Variants in DZIP1 observed in about 807,000 individuals in gnomAD.
DZIP1 encodes the protein DAZ interacting zinc finger protein 1, also known as cilium assembly protein DZIP1.
In DZIP1, 97 loss-of-function variants were observed where a neutral mutation model predicts 107.6. The ratio of observed to expected loss-of-function variants is 0.90; its 90% CI spans 0.77 to 1.07. DZIP1 has a LOEUF of 1.07. Among genes scored for constraint, DZIP1 ranks in the 50% least tolerant of loss-of-function variants. The pLI is 0.00. For synonymous variants in DZIP1, 390 were observed against 386.4 expected (o/e 1.01, Z -0.11); for missense variants, 1,035 against 1,063.6 (o/e 0.97, Z 0.37).
intron 5 of DZIP1, among the ~76,000 whole-genome samples, chr13:95,639,477 G>A (rs375203081): frequency 6.6e-6 from 1 of 151,776 alleles, no homozygotes; most frequent in East Asian, 1.9e-4. Context: ...TGTAGTCCCA[G>A]CTACTCAAGA....
intron 7 of DZIP1, 107 bp downstream of exon 7, chr13:95,629,882 G>C: frequency 1.7e-6 from 2 of 1,188,538 alleles, no homozygotes; most frequent in Non-Finnish European, 2.2e-6. Flanking sequence ...CAATCATCTT[G>C]TCAAATTCAC....
chr13:95,602,114 T>C (rs1318633950), intron 14 of DZIP1, among the ~76,000 whole-genome samples: 1 of 152,116 alleles, frequency 6.6e-6, no homozygotes, highest in Admixed American at 6.5e-5. Flanking sequence ...AGAACGACCC[T>C]GGACAGCTGC....
rs1217197831 is a variant in DZIP1 at position 95,589,936 on chromosome 13, G to A, written c.1844-4C>T. 6.2e-7 allele frequency: 1 copy of A among 1,612,764 alleles called. No homozygotes were observed. The highest frequency in any genetic ancestry group is 1.1e-5 in the South Asian group (1 of 90,752). On this transcript the variant is annotated splice_polypyrimidine_tract_variant and splice_region_variant and intron_variant, in intron 17 of 22. Transcript: ENST00000376829. ...ATTTGAGAAACACTGCACTGATCTGGAATATAGTGTCATTCATGAGTCTCC... is the reference window on the plus strand; with the variant it reads ...ATTTGAGAAACACTGCACTGATCTGAAATATAGTGTCATTCATGAGTCTCC...
chr13:95,630,899 G>C, intron 6 of DZIP1: 1 of 412,538 alleles, frequency 2.4e-6, no homozygotes, highest in South Asian at 1.9e-5. Flanking sequence ...AGAAGAGAAA[G>C]AAGGTCAGTT....
At chr13:95,605,401 A>G (rs1050318684) in intron 14 of DZIP1, among the ~76,000 whole-genome samples, 3 of 152,224 alleles carry the variant, frequency 2.0e-5, no homozygotes, top group African/African-American at 4.8e-5. Flanking sequence ...ACTGTATAAA[A>G]AGTGAAATAC....
chr13:95,621,314 AG>A (rs2139250041), intron 9 of DZIP1, among the ~76,000 whole-genome samples: 1 of 152,320 alleles, frequency 6.6e-6, no homozygotes, highest in East Asian at 1.9e-4. Context: ...AAGATGGCCC[AG>A]GGCCCAGAAT....
intron 12 of DZIP1, among the ~76,000 whole-genome samples, chr13:95,610,940 C>T (rs972221629): frequency 9.9e-5 from 15 of 152,198 alleles, no homozygotes; most frequent in African/African-American, 3.4e-4. Context: ...TCTCGGATTT[C>T]CCAGCCTCCA....
chr13:95,583,512 T>C (rs1168443705), intron 22 of DZIP1, among the ~76,000 whole-genome samples: 1 of 152,132 alleles, frequency 6.6e-6, no homozygotes, highest in African/African-American at 2.4e-5. Context: ...GCTTTCAACA[T>C]GTGCAAGAAT....
At chr13:95,582,546 T>TG (rs1176486774) in intron 22 of DZIP1, among the ~76,000 whole-genome samples, 5 of 152,174 alleles carry the variant, frequency 3.3e-5, no homozygotes, top group Non-Finnish European at 7.3e-5. Flanking sequence ...TGCAAGCTTC[T>TG]GCCCTGCAGC....
At chr13:95,610,355 G>T (rs1281420666) in intron 12 of DZIP1, among the ~76,000 whole-genome samples, 1 of 151,494 alleles carries the variant, frequency 6.6e-6, no homozygotes, top group East Asian at 1.9e-4. Context: ...CTGTCACCCA[G>T]GCTTGAGTGC....
rs756109756 is a variant in DZIP1 at position 95,590,339 on chromosome 13, G to A, written c.1783C>T (p.Arg595Ter). 7 of 1,613,790 alleles carry A rather than the reference G, an allele frequency of 4.3e-6. No homozygotes were observed. Among genetic ancestry groups the A allele is most frequent in the East Asian group, 2.2e-5 (1 of 44,882 alleles). The stretch of plus-strand genomic sequence containing the variant: ...CTGACTTGATGTTCAAGGAATTCTC[G>A]AATTTGATGAAAGTTAGGTATTTCT... Reference protein sequence around the residue: ...EREIPNFHQIREFLEHQVSCK... With the variant: ...EREIPNFHQI Residue 595 changes from arginine to a stop codon, truncating the protein, a stop_gained, in exon 17 of 23, where the codon CGA becomes TGA. Transcript: ENST00000376829. LOFTEE classifies it high-confidence loss of function.
At position 95,582,240 on chromosome 13, in the gene DZIP1, A is replaced by G. The variant is rs1282262676; in HGVS notation, c.2598T>C (p.Asp866=). 1 of 1,614,038 alleles carries G rather than the reference A, an allele frequency of 6.2e-7. No individual in the cohort carries two copies. Among genetic ancestry groups the G allele is most frequent in the Admixed American group, 1.7e-5 (1 of 60,032 alleles). The change falls in exon 23 of 23, where the codon GAT becomes GAC. Residue 866 remains aspartate, a synonymous_variant. Coordinates refer to ENST00000376829, the MANE Select transcript of DZIP1 (RefSeq NM_198968.4). ...VTVTDWSDTS[D]V ...AATCTTCTGACATGTGGAATTAGAC[A>G]TCTGAAGTGTCGCTCCAATCAGTCA... is the stretch of plus-strand genomic sequence containing the variant.
intron 15 of DZIP1, 42 bp from the exon 16 acceptor site, chr13:95,594,128 C>A (rs773417707): frequency 1.3e-6 from 2 of 1,485,534 alleles, no homozygotes; most frequent in South Asian, 2.5e-5. Flanking sequence ...AAGAATTAAG[C>A]AAATACATCA....
intron 9 of DZIP1, among the ~76,000 whole-genome samples, chr13:95,621,167 A>C (rs1422575880): frequency 6.6e-6 from 1 of 152,212 alleles, no homozygotes; most frequent in Admixed American, 6.5e-5. Flanking sequence ...AAGAATGAGT[A>C]AAAGACAGGT....
chr13:95,624,909 T>G lies in DZIP1; in HGVS notation c.831A>C (p.Thr277=), dbSNP rs1191712202. The G allele has an allele frequency of 7.5e-6, 12 of 1,605,794 alleles. No individual in the cohort carries two copies. Among genetic ancestry groups the G allele is most frequent in the Non-Finnish European group, 1.0e-5 (12 of 1,177,872 alleles). ...RFSKEYEMQK[T]KEEDFLKLFD... The stretch of plus-strand genomic sequence containing the variant: ...ATAACTTCAAAAAGTCTTCCTCTTT[T>G]GTTTTCTGCATTTCATATTCCTGAA... The change falls in exon 8 of 23, where the codon ACA becomes ACC. Residue 277 remains threonine (T), a synonymous_variant. Transcript: ENST00000376829.
rs571314049 is a variant in DZIP1 at position 95,589,739 on chromosome 13, T to C, written c.1973+64A>G. ...GTGAAGCCACCCAGTCTATGGTATT[T>C]TGTTAAAGCAGCCTGAGCTAAGACA... On this transcript the variant is annotated intron_variant, in intron 18 of 22. Transcript: ENST00000376829. 18 of 1,555,302 alleles carry C rather than the reference T, an allele frequency of 1.2e-5. No individual in the cohort carries two copies. In the South Asian group the frequency reaches 2.0e-4, roughly 17 times the overall value.
intron 10 of DZIP1, among the ~76,000 whole-genome samples, chr13:95,614,821 T>G (rs1175718652): frequency 6.6e-6 from 1 of 152,160 alleles, no homozygotes; most frequent in Non-Finnish European, 1.5e-5. Flanking sequence ...TGTGAACTCC[T>G]ACCAATGTTA....
At chr13:95,635,807 G>A (rs1695167092) in intron 5 of DZIP1, among the ~76,000 whole-genome samples, 1 of 152,084 alleles carries the variant, frequency 6.6e-6, no homozygotes, top group Admixed American at 6.5e-5. Context: ...CACTCTATCA[G>A]GGCAAGTAGA....
intron 14 of DZIP1, among the ~76,000 whole-genome samples, chr13:95,601,222 G>C (rs1045328285): frequency 1.4e-4 from 22 of 152,050 alleles, no homozygotes; most frequent in African/African-American, 5.3e-4. Context: ...CCATAACAAG[G>C]GCTGGGGAAG....
Sources: allele counts gnomAD v4.1 joint callset (sites outside exome capture counted in the v4.1 genomes callset), GRCh38; gene constraint gnomAD v4.1.1; transcripts MANE v1.5; gene names NCBI Gene and HGNC (gene_info 2026-07-23, HGNC 2026-07-21).